ARVCF: variants seen among roughly 807,000 people sequenced by gnomAD.
ARVCF encodes splicing regulator ARVCF.
ARVCF carries 66 observed loss-of-function variants against 90.9 expected under a neutral mutation model. That is an observed-to-expected ratio of 0.73 (90% CI 0.60 to 0.89). The LOEUF is 0.89. Ranked by LOEUF, ARVCF falls within the 40% of genes least tolerant of loss-of-function variation. The pLI is 0.00. For synonymous variants in ARVCF, 653 were observed against 603.4 expected (o/e 1.08, Z -1.21); for missense variants, 1,469 against 1,382.3 (o/e 1.06, Z -1.00).
intron 3 of ARVCF, 126 bp downstream of exon 3, chr22:19,990,459 T>C: frequency 8.1e-7 from 1 of 1,228,180 alleles, no homozygotes; most frequent in Admixed American, 2.3e-5. Flanking sequence ...CCATTTTCCT[T>C]TCCTCCCCAG....
rs780579245 is a variant in ARVCF at position 19,971,894 on chromosome 22, G to T, written c.2773C>A (p.Pro925Thr). Residue 925 changes from proline (P) to threonine (T), a missense_variant, in exon 18 of 20, where the codon CCC (proline) becomes ACC (threonine). Pro to Thr is a conservative substitution (Grantham distance 38). Coordinates refer to ENST00000263207, the MANE Select transcript of ARVCF (RefSeq NM_001670.3). The part of the protein sequence containing the change: ...SSAGEASEKE[P>T]LKLDPSRKAP... ...GCCACATGACCACTTACTTTCAAGG[G>T]TTCCTTCTCAGAGGCCTCTCCTGCA... 1.8e-5 allele frequency: 29 copies of T among 1,613,348 alleles called. No individual in the cohort carries two copies. In the Middle Eastern group the frequency reaches 3.5e-3, roughly 193 times the overall value.
intron 2 of ARVCF, among the ~76,000 whole-genome samples, chr22:19,991,957 G>A (rs1169063320): frequency 1.3e-5 from 2 of 152,212 alleles, no homozygotes; most frequent in African/African-American, 4.8e-5. Context: ...ACCAATATAG[G>A]GCCCTCCACG....
rs574584542 is a variant in ARVCF at position 19,981,568 on chromosome 22, C to T, written c.539G>A (p.Arg180Gln). Residue 180 changes from arginine to glutamine, a missense_variant, in exon 5 of 20, where the codon CGA (arginine) becomes CAA (glutamine). Arg to Gln is a conservative substitution (Grantham distance 43, BLOSUM62 1). Coordinates refer to ENST00000263207, the MANE Select transcript of ARVCF (RefSeq NM_001670.3). The stretch of plus-strand genomic sequence containing the variant: ...GCCACCCCCACTGCTGAGGTAGGCT[C>T]GAGAGAGTGTGGCCACTGGGCCACC... ...RGGGPVATLS[R>Q]AYLSSGGGFP... 363 of 1,603,758 alleles carry T rather than the reference C, an allele frequency of 2.3e-4. No homozygotes were observed. Among genetic ancestry groups the T allele is most frequent in the Non-Finnish European group, 2.6e-4 (303 of 1,177,814 alleles).
intron 6 of ARVCF, 110 bp from the exon 7 acceptor site, chr22:19,979,190 A>G: frequency 8.2e-7 from 1 of 1,214,980 alleles, no homozygotes; most frequent in Non-Finnish European, 1.1e-6. Context: ...CAGCTCATGC[A>G]GAACAGTAGG....
rs544318821 is a variant in ARVCF, at chr22:19,972,303, C to T, written c.2695+55G>A. ...CCCCATAAAACCAGCAGGCCCACTTCAGGCCTTGGTCCCCTCCCGGCACAG... is the reference window on the plus strand; with the variant it reads ...CCCCATAAAACCAGCAGGCCCACTTTAGGCCTTGGTCCCCTCCCGGCACAG... On this transcript the variant is annotated intron_variant, in intron 17 of 19. Transcript: ENST00000263207. 53 of 1,610,510 alleles carry T rather than the reference C, an allele frequency of 3.3e-5. No homozygotes were observed. The African/African-American group carries it at 5.6e-4, about 17-fold the overall frequency.
chr22:20,011,730 G>A (rs906821516), intron 1 of ARVCF, among the ~76,000 whole-genome samples: 2 of 152,232 alleles, frequency 1.3e-5, no homozygotes, highest in African/African-American at 2.4e-5. Flanking sequence ...CGAGGAAGAG[G>A]AGATGCTGCT....
At chr22:20,014,629 C>T (rs946162008) in intron 1 of ARVCF, among the ~76,000 whole-genome samples, 1 of 152,250 alleles carries the variant, frequency 6.6e-6, no homozygotes, top group Non-Finnish European at 1.5e-5. Context: ...CCCCACCCTC[C>T]ATTCCTGGCC....
chr22:20,000,617 CAT>C (rs1944411017), intron 2 of ARVCF, among the ~76,000 whole-genome samples: 1 of 152,220 alleles, frequency 6.6e-6, no homozygotes, highest in Admixed American at 6.5e-5. Flanking sequence ...CCTACTGGCA[CAT>C]GTGTGCAGCC....
rs913634052 is a variant in ARVCF at position 20,013,330 on chromosome 22, G to A, written c.-72-2822C>T. On this transcript the variant is annotated intron_variant, in intron 1 of 19. Transcript: ENST00000263207. ...AAGGACACTGCACTTTTGGGGCTACGCAGGCACAGGGCTAGTCCTTCACTG... is the reference window on the plus strand; with the variant it reads ...AAGGACACTGCACTTTTGGGGCTACACAGGCACAGGGCTAGTCCTTCACTG... Among the ~76,000 whole-genome samples, 5 of 152,354 alleles carry A rather than the reference G, an allele frequency of 3.3e-5. No individual in the cohort carries two copies. The East Asian group carries it at 7.7e-4, about 23-fold the overall frequency.
At chr22:19,983,249 T>C (rs576875393) in intron 3 of ARVCF, among the ~76,000 whole-genome samples, 1 of 152,348 alleles carries the variant, frequency 6.6e-6, no homozygotes, top group East Asian at 1.9e-4. Flanking sequence ...AGGTCCTGCT[T>C]TGTGGCCCAG....
At chr22:19,972,549 T>G in intron 16 of ARVCF, 138 bp from the exon 17 acceptor site, 1 of 1,236,476 alleles carries the variant, frequency 8.1e-7, no homozygotes, top group South Asian at 1.4e-5. Flanking sequence ...GCTGGCAGCC[T>G]CACCCCAGCT....
intron 13 of ARVCF, 25 bp from the exon 14 acceptor site, chr22:19,973,342 A>C: frequency 6.4e-7 from 1 of 1,566,860 alleles, no homozygotes. Context: ...TAGGTGTCAG[A>C]ACACACCTCT....
intron 1 of ARVCF, among the ~76,000 whole-genome samples, chr22:20,016,182 C>T (rs184991422): frequency 0.014 from 2,110 of 152,282 alleles, 24 homozygotes; most frequent in Non-Finnish European, 0.023. Flanking sequence ...CGGCCTGCCG[C>T]CCCTCGGGCT....
intron 12 of ARVCF, 79 bp downstream of exon 12, chr22:19,974,033 G>A (rs1267504149): frequency 1.3e-6 from 2 of 1,536,932 alleles, no homozygotes; most frequent in Non-Finnish European, 8.7e-7. Context: ...CCCGCCAGCC[G>A]AGGCAGGAGC....
chr22:19,973,463 G>A, intron 13 of ARVCF, 146 bp from the exon 14 acceptor site: 2 of 1,330,702 alleles, frequency 1.5e-6, no homozygotes, highest in East Asian at 2.5e-5. Flanking sequence ...CTGTGAGCAG[G>A]GCGCTGAGCT....
rs959806304 is a variant in ARVCF at position 19,973,264 on chromosome 22, G to A, written c.2293C>T (p.Pro765Ser). The A allele has an allele frequency of 7.5e-6, 12 of 1,608,634 alleles. No individual in the cohort carries two copies. The highest frequency in any genetic ancestry group is 2.7e-5 in the African/African-American group (2 of 74,874). ...VRNVRNAQAP[P>S]RPGACLEEDT... The stretch of plus-strand genomic sequence containing the variant: ...TCCTCCAGGCAGGCCCCCGGTCGCG[G>A]CGGAGCCTGTGCATTGCGCACATTC... Residue 765 changes from proline (P) to serine (S), a missense_variant, in exon 14 of 20, where the codon CCG becomes TCG. Physicochemically the swap from Pro to Ser is moderately conservative, Grantham distance 74. Coordinates refer to ENST00000263207, the MANE Select transcript of ARVCF (RefSeq NM_001670.3).
intron 18 of ARVCF, among the ~76,000 whole-genome samples, 184 bp downstream of exon 18, chr22:19,971,702 G>A (rs2146223090): frequency 6.6e-6 from 1 of 152,304 alleles, no homozygotes; most frequent in African/African-American, 2.4e-5. Flanking sequence ...CAGTGGGTGG[G>A]AGCTGCAAAC....
At chr22:20,003,863 G>T (rs935143801) in intron 2 of ARVCF, among the ~76,000 whole-genome samples, 1 of 133,854 alleles carries the variant, frequency 7.5e-6, no homozygotes, top group East Asian at 2.0e-4. Context: ...AGAAGTTTTA[G>T]ACAGAGTAAT....
chr22:20,009,084 G>A (rs1331988671), intron 2 of ARVCF, among the ~76,000 whole-genome samples: 1 of 152,184 alleles, frequency 6.6e-6, no homozygotes, highest in Non-Finnish European at 1.5e-5. Context: ...CCTCCCTGAA[G>A]TGTGGTGACC....
Sources: gnomAD v4.1 joint callset for allele counts (sites outside exome capture counted in the v4.1 genomes callset) on GRCh38, gnomAD v4.1.1 for gene constraint, MANE v1.5 for transcripts, NCBI Gene and HGNC (gene_info 2026-07-23, HGNC 2026-07-21) for gene names.